BET1: variants seen among roughly 807,000 people sequenced by gnomAD.
BET1 encodes the protein Bet1 golgi vesicular membrane trafficking protein, also known as BET1 homolog.
In BET1, 9 loss-of-function variants were observed where a neutral mutation model predicts 13.9. That is an observed-to-expected ratio of 0.65 (90% CI 0.39 to 1.13). The LOEUF (loss-of-function observed/expected upper bound fraction) is 1.13, where lower values mean the gene tolerates loss of function less well. Among genes scored for constraint, BET1 ranks in the 50% most tolerant of loss-of-function variants. The probability of loss-of-function intolerance (pLI) is 0.01; values close to 1 mark genes in which losing one functional copy is unlikely to be tolerated. For missense variants in BET1, 127 were observed against 133.6 expected (o/e 0.95, Z 0.24); for synonymous variants, 39 against 47.3 (o/e 0.82, Z 0.72).
chr7:93,988,298 C>T (rs768377731), downstream of BET1, among the ~76,000 whole-genome samples: 2 of 152,102 alleles, frequency 1.3e-5, no homozygotes, highest in South Asian at 2.1e-4. Flanking sequence ...ATTCATATCT[C>T]TAAAAGAATT....
intron 1 of BET1, among the ~76,000 whole-genome samples, chr7:94,002,287 C>T (rs1266199690): frequency 1.3e-5 from 2 of 151,784 alleles, no homozygotes; most frequent in East Asian, 1.9e-4. Context: ...GTATCAGATT[C>T]ACTATGATCC....
At chr7:93,989,294 G>A (rs1045769303), downstream of BET1, among the ~76,000 whole-genome samples, 6 of 151,970 alleles carry the variant, frequency 3.9e-5, no homozygotes, top group African/African-American at 7.3e-5. Context: ...GATTACAGGC[G>A]TAAGCCACCG....
At chr7:93,991,733 A>G, downstream of BET1, 1 of 904,056 alleles carries the variant, frequency 1.1e-6, no homozygotes, top group African/African-American at 1.8e-5. Flanking sequence ...CAGGCAGTGT[A>G]ACTTCATAGC....
chr7:93,982,104 T>C (rs1795439181), intron 4 of BET1, among the ~76,000 whole-genome samples: 1 of 152,174 alleles, frequency 6.6e-6, no homozygotes, highest in African/African-American at 2.4e-5. Flanking sequence ...TCTTTAGCTA[T>C]GTCATAATCT....
chr7:93,963,875 A>G (rs367693739), exon 7 of BET1: 1 of 151,886 alleles, frequency 6.6e-6, no homozygotes, highest in African/African-American at 2.4e-5. Flanking sequence ...CTCAGCCTTC[A>G]ACCAACATAG....
At chr7:93,997,791 T>C (rs1301367051) in intron 2 of BET1, among the ~76,000 whole-genome samples, 1 of 152,222 alleles carries the variant, frequency 6.6e-6, no homozygotes, top group Non-Finnish European at 1.5e-5. Flanking sequence ...ACACCATTGA[T>C]AAGGAATTAT....
Position 93,994,117 on chromosome 7 carries a change from A to G in BET1, c.*113T>C, listed in dbSNP as rs1407961768. The G allele has an allele frequency of 6.9e-7, 1 of 1,457,914 alleles. No homozygotes were observed. Among genetic ancestry groups the G allele is most frequent in the Non-Finnish European group, 9.0e-7 (1 of 1,110,674 alleles). The allele number at this position is 1,457,914 out of a possible 1,614,324, so 90.3% of individuals were successfully genotyped here. ...AAATAAGCAAAATTCAGCAATTTTC[A>G]ATGGAAAATGCCACAGTATTTGAAC... On this transcript the variant is annotated 3_prime_UTR_variant, in exon 4 of 4. Coordinates refer to ENST00000222547, the MANE Select transcript of BET1 (RefSeq NM_005868.6).
intron 4 of BET1, among the ~76,000 whole-genome samples, chr7:93,977,238 AT>A (rs906029276): frequency 1.3e-5 from 2 of 152,080 alleles, no homozygotes; most frequent in African/African-American, 4.8e-5. Flanking sequence ...AGGCAGGCAG[AT>A]TACTTGAGGC....
downstream of BET1, chr7:93,992,485 A>C (rs1166044054): frequency 1.0e-6 from 1 of 985,042 alleles, no homozygotes; most frequent in Non-Finnish European, 1.2e-6. Flanking sequence ...GTTTTTCACA[A>C]CTTTAATTAT....
At chr7:93,966,291 T>G (rs1381530587) in intron 6 of BET1, among the ~76,000 whole-genome samples, 3 of 152,066 alleles carry the variant, frequency 2.0e-5, no homozygotes, top group Non-Finnish European at 2.9e-5. Context: ...TTTTTATTTA[T>G]ATTTAAAATT....
chr7:93,987,838 T>G (rs1795555026), intron 4 of BET1, among the ~76,000 whole-genome samples: 1 of 152,216 alleles, frequency 6.6e-6, no homozygotes. Flanking sequence ...TGTGCCTAAG[T>G]GGCATCCATA....
At chr7:93,979,462 C>CTTGTCT (rs1795391752) in intron 4 of BET1, among the ~76,000 whole-genome samples, 1 of 152,050 alleles carries the variant, frequency 6.6e-6, no homozygotes, top group African/African-American at 2.4e-5. Flanking sequence ...TTTGCATAAC[C>CTTGTCT]TTGTCTGCCT....
At chr7:93,998,240 TTTA>T (rs1403556944) in intron 2 of BET1, among the ~76,000 whole-genome samples, 1 of 152,236 alleles carries the variant, frequency 6.6e-6, no homozygotes, top group Non-Finnish European at 1.5e-5. Flanking sequence ...AAGCATGAAC[TTTA>T]TTAAATCATG....
Position 93,986,811 on chromosome 7 carries a change from G to A in BET1, c.235+7541C>T, listed in dbSNP as rs565058868. The stretch of plus-strand genomic sequence containing the variant: ...AAAATTCCTATAATCTAGTGATGTA[G>A]CTATTGTAACATCACAGTGCAATGC... On this transcript the variant is annotated intron_variant and NMD_transcript_variant, in intron 4 of 6. Transcript: ENST00000357520. Among the ~76,000 whole-genome samples the A allele has an allele frequency of 2.6e-5, 4 of 152,252 alleles. No individual in the cohort carries two copies. In the East Asian group the frequency reaches 7.7e-4, roughly 29 times the overall value.
intron 6 of BET1, among the ~76,000 whole-genome samples, chr7:93,970,779 C>T (rs146213780): frequency 6.9e-4 from 104 of 151,812 alleles, no homozygotes; most frequent in Middle Eastern, 3.4e-3. Context: ...AATCCAAAAA[C>T]GACTCAAACT....
Position 93,980,651 on chromosome 7 carries a change from C to T in BET1, c.236-4551G>A, listed in dbSNP as rs1260595187. Among the ~76,000 whole-genome samples the T allele has an allele frequency of 2.0e-5, 3 of 152,120 alleles. No individual in the cohort carries two copies. The East Asian group carries it at 5.8e-4, about 29-fold the overall frequency. ...AAGGCCATACATGGAAAGCCCACAG[C>T]CAGCATTATATTCAATGGGAAAAGT... On this transcript the variant is annotated intron_variant and NMD_transcript_variant, in intron 4 of 6. Coordinates refer to the BET1 transcript ENST00000357520.
intron 1 of BET1, among the ~76,000 whole-genome samples, chr7:94,003,990 C>T (rs1218520818): frequency 6.6e-6 from 1 of 152,064 alleles, no homozygotes; most frequent in Non-Finnish European, 1.5e-5. Context: ...GCCTACCATC[C>T]AAACTTGAAT....
intron 2 of BET1, among the ~76,000 whole-genome samples, chr7:93,996,704 T>C (rs888536201): frequency 4.0e-5 from 6 of 149,310 alleles, no homozygotes; most frequent in African/African-American, 1.5e-4. Flanking sequence ...TTATTTATTA[T>C]ATTTTATAAA....
At position 93,993,564 on chromosome 7, in the gene BET1, ATAAAGT is replaced by A. The variant is rs1227887043; in HGVS notation, c.*660_*665del. On this transcript the variant is annotated 3_prime_UTR_variant, in exon 4 of 4. Coordinates refer to ENST00000222547, the MANE Select transcript of BET1 (RefSeq NM_005868.6). ...ATTATAAGCCAAGTCAAGAGAATTC[ATAAAGT>A]TAATATGAAATAATAACTATACTGA... 1.3e-5 allele frequency: 14 copies of A among 1,051,452 alleles called. No individual in the cohort carries two copies. In the East Asian group the frequency reaches 8.9e-4, roughly 67 times the overall value. 65.1% of individuals were successfully genotyped at this position (1,051,452 alleles called of 1,614,324 possible).
Sources: allele counts gnomAD v4.1 joint callset (sites outside exome capture counted in the v4.1 genomes callset), GRCh38; gene constraint gnomAD v4.1.1; transcripts MANE v1.5; gene names NCBI Gene and HGNC (gene_info 2026-07-23, HGNC 2026-07-21).